Variants in FUT9 observed in about 807,000 individuals in gnomAD.
FUT9 encodes 4-galactosyl-N-acetylglucosaminide 3-alpha-L-fucosyltransferase 9.
FUT9 carries 15 observed loss-of-function variants against 29.7 expected under a neutral mutation model. The observed-to-expected ratio is 0.51, with a 90% CI of 0.34 to 0.78. FUT9 has a LOEUF of 0.78. Ranked by LOEUF, FUT9 falls within the 30% of genes least tolerant of loss-of-function variation. FUT9 has a pLI of 0.01. For synonymous variants in FUT9, 169 were observed against 153.7 expected (o/e 1.10, Z -0.74); for missense variants, 319 against 425.4 (o/e 0.75, Z 2.20).
intron 1 of FUT9, among the ~76,000 whole-genome samples, chr6:96,026,436 T>C (rs1006403011): frequency 4.6e-5 from 7 of 151,656 alleles, no homozygotes; most frequent in Non-Finnish European, 1.0e-4. Context: ...GATTACAGCA[T>C]AGGGCGTGTT....
intron 2 of FUT9, among the ~76,000 whole-genome samples, chr6:96,186,607 T>C (rs1773410787): frequency 6.6e-6 from 1 of 152,100 alleles, no homozygotes. Flanking sequence ...TATTATAAGG[T>C]ATTGGCTCAC....
At chr6:96,042,582 TAAAC>T (rs1770481497) in intron 1 of FUT9, among the ~76,000 whole-genome samples, 1 of 152,182 alleles carries the variant, frequency 6.6e-6, no homozygotes, top group South Asian at 2.1e-4. Flanking sequence ...ATGCATATTA[TAAAC>T]TAGAGATCAA....
intron 2 of FUT9, among the ~76,000 whole-genome samples, chr6:96,166,984 A>T (rs1230827339): frequency 6.6e-6 from 1 of 152,184 alleles, no homozygotes; most frequent in Non-Finnish European, 1.5e-5. Flanking sequence ...TTTAAAAAAT[A>T]TTCTCAATCC....
intron 2 of FUT9, among the ~76,000 whole-genome samples, chr6:96,141,746 A>G (rs1772467930): frequency 6.6e-6 from 1 of 152,190 alleles, no homozygotes; most frequent in Non-Finnish European, 1.5e-5. Flanking sequence ...ATTGTGGGAG[A>G]TCTGGGGAAT....
intron 2 of FUT9, among the ~76,000 whole-genome samples, chr6:96,199,739 G>T (rs931403852): frequency 2.0e-5 from 3 of 152,068 alleles, no homozygotes; most frequent in Non-Finnish European, 4.4e-5. Context: ...AACAAAGTAC[G>T]TATTCATTCA....
At chr6:96,190,255 A>G (rs1454514946) in intron 2 of FUT9, among the ~76,000 whole-genome samples, 1 of 152,128 alleles carries the variant, frequency 6.6e-6, no homozygotes, top group Non-Finnish European at 1.5e-5. Flanking sequence ...TCTGGCTTGT[A>G]GAGTTTCTGC....
intron 2 of FUT9, among the ~76,000 whole-genome samples, chr6:96,184,535 G>A (rs1037116671): frequency 4.6e-5 from 7 of 151,914 alleles, no homozygotes; most frequent in African/African-American, 1.5e-4. Flanking sequence ...TCCTTGAGGT[G>A]TGACCTTAGA....
chr6:96,135,959 G>A (rs921127321), intron 2 of FUT9, among the ~76,000 whole-genome samples: 1 of 150,520 alleles, frequency 6.6e-6, no homozygotes, highest in African/African-American at 2.4e-5. Flanking sequence ...TGATATATTC[G>A]ATATCTAGTA....
In FUT9 at chr6:96,208,328, T is replaced by C. The variant is rs1355832911; in HGVS notation, c.*4093T>C. On this transcript the variant is annotated 3_prime_UTR_variant, in exon 3 of 3. Coordinates refer to ENST00000302103, the MANE Select transcript of FUT9 (RefSeq NM_006581.4). ...AAATTTCAGGTCCTTACCTTATGAC[T>C]GTGTTTGATCATATCTTTGAGTTCC... 4 of 166,902 alleles carry C rather than the reference T, an allele frequency of 2.4e-5. No homozygotes were observed. In the East Asian group the frequency reaches 7.7e-4, roughly 32 times the overall value. The allele number at this position is 166,902 out of a possible 1,614,324, so 10.3% of individuals were successfully genotyped here. A position where few individuals can be genotyped will look rare whatever the true frequency, so the allele number is the denominator to read the frequency against.
chr6:96,100,477 T>C (rs1222068842), intron 1 of FUT9, among the ~76,000 whole-genome samples: 2 of 152,198 alleles, frequency 1.3e-5, no homozygotes, highest in African/African-American at 4.8e-5. Context: ...GATGAAACTT[T>C]ATAAAGTGAG....
chr6:96,035,622 T>G (rs1467428878), intron 1 of FUT9, among the ~76,000 whole-genome samples: 1 of 137,324 alleles, frequency 7.3e-6, no homozygotes, highest in Non-Finnish European at 1.6e-5. Flanking sequence ...ATATTATAAT[T>G]AAAATATAAT....
chr6:96,029,279 A>G (rs1182760485), intron 1 of FUT9, among the ~76,000 whole-genome samples: 2 of 151,610 alleles, frequency 1.3e-5, no homozygotes, highest in Admixed American at 1.3e-4. Flanking sequence ...AACTCTGGTA[A>G]TCCCTGACGC....
At chr6:96,048,121 G>A (rs879567864) in intron 1 of FUT9, among the ~76,000 whole-genome samples, 3 of 151,992 alleles carry the variant, frequency 2.0e-5, no homozygotes, top group East Asian at 1.9e-4. Context: ...CTATAGATAC[G>A]TTCCTCTGAC....
In FUT9 at chr6:96,051,751, A is replaced by G. The variant is rs76666507; in HGVS notation, c.-98+35539A>G. 6.8e-4 allele frequency among the ~76,000 whole-genome samples: 104 copies of G among 152,162 alleles called. 2 individuals are homozygous for G. The East Asian group carries it at 0.017, about 24-fold the overall frequency. ...TTATATATTAAATATGTGATTAAAT[A>G]CATGATTTGCAAACCAATATTATAT... On this transcript the variant is annotated intron_variant, in intron 1 of 2. Coordinates refer to ENST00000302103, the MANE Select transcript of FUT9 (RefSeq NM_006581.4).
intron 1 of FUT9, among the ~76,000 whole-genome samples, chr6:96,078,141 T>A (rs1771170549): frequency 6.6e-6 from 1 of 152,116 alleles, no homozygotes; most frequent in African/African-American, 2.4e-5. Context: ...TTGTTTTAAT[T>A]TTTTCATTAC....
At chr6:96,049,788 A>C (rs1770632081) in intron 1 of FUT9, among the ~76,000 whole-genome samples, 1 of 152,178 alleles carries the variant, frequency 6.6e-6, no homozygotes, top group Non-Finnish European at 1.5e-5. Context: ...GAAAAGAGAG[A>C]ACAAGAAATT....
intron 1 of FUT9, among the ~76,000 whole-genome samples, chr6:96,040,337 G>A (rs1032273717): frequency 6.6e-6 from 1 of 152,142 alleles, no homozygotes; most frequent in Non-Finnish European, 1.5e-5. Context: ...GTGCAGTCAT[G>A]TGGTCTAAAA....
intron 1 of FUT9, among the ~76,000 whole-genome samples, chr6:96,107,491 A>G (rs1050382387): frequency 6.6e-6 from 1 of 152,220 alleles, no homozygotes; most frequent in Non-Finnish European, 1.5e-5. Flanking sequence ...CTTAAAGCTC[A>G]GGAGAAGAAG....
chr6:96,161,162 T>C (rs537998863), intron 2 of FUT9, among the ~76,000 whole-genome samples: 48 of 152,146 alleles, frequency 3.2e-4, no homozygotes, highest in Middle Eastern at 3.2e-3. Flanking sequence ...TGCCCCAAAT[T>C]TATATGTCAA....
Sources: allele counts gnomAD v4.1 joint callset (sites outside exome capture counted in the v4.1 genomes callset), GRCh38; gene constraint gnomAD v4.1.1; transcripts MANE v1.5; gene names NCBI Gene and HGNC (gene_info 2026-07-23, HGNC 2026-07-21).